Variants in SPANXN1 observed in about 807,000 individuals in gnomAD.
SPANXN1 encodes the protein SPANX family member N1, also known as sperm protein associated with the nucleus on the X chromosome N1.
Under a neutral mutation model 2.0 loss-of-function variants are expected in SPANXN1, and 1 was observed. That is an observed-to-expected ratio of 0.50 (90% confidence interval 0.18 to 2.36). The LOEUF (loss-of-function observed/expected upper bound fraction) is 2.36. Ranked by LOEUF, SPANXN1 falls within the 30% of genes most tolerant of loss-of-function variation. The pLI is 0.26. For synonymous variants in SPANXN1, 27 were observed against 21.3 expected (o/e 1.27, Z -0.74); for missense variants, 55 against 51.8 (o/e 1.06, Z -0.19).
chrX:145,249,971 AG>A (rs2070779106), intron 1 of SPANXN1, among the ~76,000 whole-genome samples: 1 of 111,926 alleles, frequency 8.9e-6, no homozygotes, highest in South Asian at 3.7e-4. Flanking sequence ...AAATGGGCTT[AG>A]GCTGAGGAGC....
intron 1 of SPANXN1, among the ~76,000 whole-genome samples, chrX:145,247,962 C>G (rs2070768993): frequency 8.9e-6 from 1 of 111,991 alleles, no homozygotes; most frequent in South Asian, 3.7e-4. Context: ...CAGCAAGATA[C>G]CATAGGAAAG....
At chrX:145,254,737 T>C (rs1489471457) in intron 1 of SPANXN1, among the ~76,000 whole-genome samples, 1 of 111,578 alleles carries the variant, frequency 9.0e-6, no homozygotes, top group Non-Finnish European at 1.9e-5. Flanking sequence ...ACTCACCCAC[T>C]AATTGACGCC....
chrX:145,255,813 G>C lies in SPANXN1; in HGVS notation c.218G>C (p.Ter73SerextTer?), dbSNP rs1377719660. The change falls in exon 2 of 2, where the codon TGA becomes TCA. Residue 73 changes from the stop codon to serine (S), a stop_lost. Coordinates refer to ENST00000370493, the MANE Select transcript of SPANXN1 (RefSeq NM_001009614.3). The part of the protein sequence containing the change: ...HSNQLENDQS[*>S] ...AATCAACTGGAGAATGACCAGTCCT[G>C]AGAGAACTCCATCAATCCAGTCCAA... is the stretch of plus-strand genomic sequence containing the variant. 1 of 1,209,972 alleles carries C rather than the reference G, an allele frequency of 8.3e-7. No individual in the cohort carries two copies. Among genetic ancestry groups the C allele is most frequent in the African/African-American group, 1.8e-5 (1 of 56,661 alleles).
chrX:145,253,196 C>T (rs2070793162), intron 1 of SPANXN1, among the ~76,000 whole-genome samples: 1 of 111,104 alleles, frequency 9.0e-6, no homozygotes, highest in Admixed American at 9.6e-5. Flanking sequence ...TTAGGGTAGG[C>T]TTTTTCCCAG....
chrX:145,248,405 C>T lies in SPANXN1; in HGVS notation c.75+744C>T, dbSNP rs782467461. 1.4e-3 allele frequency among the ~76,000 whole-genome samples: 153 copies of T among 111,316 alleles called. 1 individual carries two copies. The highest frequency in any genetic ancestry group is 4.6e-3 in the Middle Eastern group (1 of 218). ...GTACTATCAGGAGGAGGAAGATTAACGGCCCTAAGAAAGGGACCACCTGCT... is the reference window on the plus strand; with the variant it reads ...GTACTATCAGGAGGAGGAAGATTAATGGCCCTAAGAAAGGGACCACCTGCT... On this transcript the variant is annotated intron_variant, in intron 1 of 1. Transcript: ENST00000370493.
chrX:145,253,327 T>C lies in SPANXN1; in HGVS notation c.76-2344T>C, dbSNP rs782540739. On this transcript the variant is annotated intron_variant, in intron 1 of 1. Transcript: ENST00000370493. ...CACCAGCATTTGGTATTTAGCCTGG[T>C]CCTTCTTTAGGTTTGAGGTTTTTGG... Among the ~76,000 whole-genome samples the C allele has an allele frequency of 1.5e-4, 17 of 111,204 alleles. No homozygotes were observed. In the East Asian group the frequency reaches 3.1e-3, roughly 21 times the overall value.
intron 1 of SPANXN1, among the ~76,000 whole-genome samples, chrX:145,253,050 C>G (rs61293603): frequency 0.073 from 8,071 of 110,963 alleles, 736 homozygotes; most frequent in African/African-American, 0.25. Context: ...GATGGCAGTA[C>G]GGGCGGTGGA....
intron 1 of SPANXN1, among the ~76,000 whole-genome samples, chrX:145,249,472 C>T (rs1556882247): frequency 2.7e-5 from 3 of 111,023 alleles, no homozygotes; most frequent in African/African-American, 9.8e-5. Flanking sequence ...AGATCTGAAA[C>T]AAAGTAGGAG....
chrX:145,255,577 T>C lies in SPANXN1; in HGVS notation c.76-94T>C, dbSNP rs142303880. ...TCTGGCACACACCCCTTCCTCCACC[T>C]GCATTCCTTCTCATAAAGCCCCCCT... On this transcript the variant is annotated intron_variant, in intron 1 of 1. Coordinates refer to ENST00000370493, the MANE Select transcript of SPANXN1 (RefSeq NM_001009614.3). 11,154 of 1,149,072 alleles carry C rather than the reference T, an allele frequency of 9.7e-3. 53 individuals are homozygous for C. The highest frequency in any genetic ancestry group is 0.019 in the African/African-American group (989 of 53,047). The allele number at this position is 1,149,072 out of a possible 1,213,427, so 94.7% of individuals were successfully genotyped here. A position where few individuals can be genotyped will look rare whatever the true frequency, so the allele number is the denominator to read the frequency against.
At chrX:145,255,057 G>C (rs1254941004) in intron 1 of SPANXN1, among the ~76,000 whole-genome samples, 1 of 111,344 alleles carries the variant, frequency 9.0e-6, no homozygotes, top group African/African-American at 3.3e-5. Flanking sequence ...GAGAAGGCGA[G>C]GATGAAAGAA....
At chrX:145,253,234 G>A (rs1219360408) in intron 1 of SPANXN1, among the ~76,000 whole-genome samples, 17 of 110,978 alleles carry the variant, frequency 1.5e-4, no homozygotes. Flanking sequence ...CTTATAACAG[G>A]CTCCTGGAGT....
At chrX:145,247,750 C>A in intron 1 of SPANXN1, 89 bp downstream of exon 1, 5 of 1,006,765 alleles carry the variant, frequency 5.0e-6, no homozygotes, top group Non-Finnish European at 5.6e-6. Context: ...AGGAATATTG[C>A]AGACACCTGT....
chrX:145,255,991 C>A lies in SPANXN1; in HGVS notation c.*177C>A. The stretch of plus-strand genomic sequence containing the variant: ...AAGGATCTTCAAAGCAGAATGAAGA[C>A]CTAGGCTTACCTGAAGGATCTTCAA... On this transcript the variant is annotated 3_prime_UTR_variant, in exon 2 of 2. Transcript: ENST00000370493. The A allele has an allele frequency of 1.1e-6, 1 of 873,644 alleles. No homozygotes were observed. Among genetic ancestry groups the A allele is most frequent in the Non-Finnish European group, 1.7e-6 (1 of 597,921 alleles). The allele number at this position is 873,644 out of a possible 1,213,427, so 72.0% of individuals were successfully genotyped here.
intron 1 of SPANXN1, among the ~76,000 whole-genome samples, chrX:145,253,742 G>A (rs2070795698): frequency 9.0e-6 from 1 of 110,907 alleles, no homozygotes; most frequent in Admixed American, 9.6e-5. Flanking sequence ...ATGGGCCTGG[G>A]TGCCAATAAA....
At chrX:145,252,411 A>C (rs1285244047) in intron 1 of SPANXN1, among the ~76,000 whole-genome samples, 1 of 110,920 alleles carries the variant, frequency 9.0e-6, no homozygotes, top group Non-Finnish European at 1.9e-5. Flanking sequence ...TCCTGGAAAA[A>C]GGGGTAAGTC....
In SPANXN1 at chrX:145,254,944, G is replaced by A. The variant is rs146141727; in HGVS notation, c.76-727G>A. On this transcript the variant is annotated intron_variant, in intron 1 of 1. Coordinates refer to ENST00000370493, the MANE Select transcript of SPANXN1 (RefSeq NM_001009614.3). ...GGATCTGGAAGCAGGCCCCGGTCTA[G>A]TTTGTGCTGCTTTTCGCTTTCTGGG... 2.6e-3 allele frequency among the ~76,000 whole-genome samples: 296 copies of A among 111,988 alleles called. 1 individual carries two copies. The highest frequency in any genetic ancestry group is 9.1e-3 in the African/African-American group (279 of 30,740).
chrX:145,247,613 T>C lies in SPANXN1; in HGVS notation c.27T>C (p.Asn9=), dbSNP rs1482866950. 2.6e-5 allele frequency: 31 copies of C among 1,208,450 alleles called. No homozygotes were observed. Among genetic ancestry groups the C allele is most frequent in the Non-Finnish European group, 3.4e-5 (30 of 894,427 alleles). The part of the protein sequence containing the change: MEQPTSSI[N]GEKRKSPCES... ...TGGAACAGCCCACTTCAAGCATCAA[T>C]GGGGAGAAGAGGAAGAGCCCCTGTG... Residue 9 remains asparagine (N), a synonymous_variant, in exon 1 of 2, where the codon AAT becomes AAC. Coordinates refer to ENST00000370493, the MANE Select transcript of SPANXN1 (RefSeq NM_001009614.3).
chrX:145,248,575 T>C (rs1395372559), intron 1 of SPANXN1, among the ~76,000 whole-genome samples: 7 of 112,189 alleles, frequency 6.2e-5, no homozygotes, highest in Non-Finnish European at 1.3e-4. Flanking sequence ...AATGTTAATG[T>C]TTAGATTAAC....
rs781824173 is a variant in SPANXN1 at position 145,255,997 on chromosome X, C to G, written c.*183C>G. ...CTTCAAAGCAGAATGAAGACCTAGG[C>G]TTACCTGAAGGATCTTCAAAGCAGG... On this transcript the variant is annotated 3_prime_UTR_variant, in exon 2 of 2. Transcript: ENST00000370493. 30 of 872,669 alleles carry G rather than the reference C, an allele frequency of 3.4e-5. No homozygotes were observed. In the South Asian group the frequency reaches 6.2e-4, roughly 18 times the overall value. 71.9% of individuals were successfully genotyped at this position (872,669 alleles called of 1,213,427 possible).
Sources: allele counts gnomAD v4.1 joint callset (sites outside exome capture counted in the v4.1 genomes callset), GRCh38; gene constraint gnomAD v4.1.1; transcripts MANE v1.5; gene names NCBI Gene and HGNC (gene_info 2026-07-23, HGNC 2026-07-21).